FBXL2: variants seen among roughly 807,000 people sequenced by gnomAD.
FBXL2 encodes the protein F-box/LRR-repeat protein 2.
In FBXL2, 38 loss-of-function variants were observed where a neutral mutation model predicts 69.2. The ratio of observed to expected loss-of-function variants is 0.55; its 90% confidence interval spans 0.42 to 0.72. The LOEUF is 0.72. Among genes scored for constraint, FBXL2 ranks in the 30% least tolerant of loss-of-function variants. The pLI, the probability that FBXL2 is intolerant of heterozygous loss-of-function variation, is 0.00. For missense variants in FBXL2, 354 were observed against 520.3 expected, an observed-to-expected ratio of 0.68 and a Z score of 3.11; for synonymous variants, 192 against 201.3, an observed-to-expected ratio of 0.95 and a Z score of 0.39.
At chr3:33,362,836 C>G (rs1285345725) in intron 4 of FBXL2, among the ~76,000 whole-genome samples, 1 of 150,388 alleles carries the variant, frequency 6.6e-6, no homozygotes, top group Non-Finnish European at 1.5e-5. Context: ...AAATATATAT[C>G]TTTGATTTCT....
intron 13 of FBXL2, among the ~76,000 whole-genome samples, chr3:33,379,539 G>C (rs1036818713): frequency 1.3e-5 from 2 of 150,704 alleles, no homozygotes; most frequent in African/African-American, 2.4e-5. Context: ...ATTTTTAGTA[G>C]AGACGGGGTT....
intron 2 of FBXL2, among the ~76,000 whole-genome samples, chr3:33,357,643 C>CCTCA (rs761233010): frequency 8.6e-5 from 13 of 150,832 alleles, no homozygotes; most frequent in Non-Finnish European, 1.9e-4. Context: ...CATTCTCCTG[C>CCTCA]CTCAGCCTTT....
downstream of FBXL2, chr3:33,408,572 A>T: frequency 1.4e-6 from 1 of 706,404 alleles, no homozygotes; most frequent in Non-Finnish European, 2.2e-6. Flanking sequence ...AAAGCAAATT[A>T]AATCAAGACA....
intron 6 of FBXL2, 31 bp downstream of exon 6, chr3:33,373,191 T>G (rs1559624844): frequency 6.2e-7 from 1 of 1,611,820 alleles, no homozygotes; most frequent in East Asian, 2.2e-5. Flanking sequence ...GGTGACCAAA[T>G]AGCCACGGGG....
intron 12 of FBXL2, chr3:33,400,110 T>A: frequency 4.1e-6 from 4 of 983,198 alleles, no homozygotes; most frequent in Non-Finnish European, 5.6e-6. Context: ...TTCAAAATTT[T>A]AAAAATATAA....
chr3:33,360,169 C>A (rs955016053), intron 4 of FBXL2, among the ~76,000 whole-genome samples: 1 of 152,030 alleles, frequency 6.6e-6, no homozygotes, highest in Non-Finnish European at 1.5e-5. Flanking sequence ...AATTTAGTTA[C>A]TCACATAGTA....
chr3:33,284,915 C>G (rs886608246), intron 1 of FBXL2, among the ~76,000 whole-genome samples: 1 of 152,150 alleles, frequency 6.6e-6, no homozygotes, highest in Non-Finnish European at 1.5e-5. Flanking sequence ...TCCTCCATCC[C>G]TTTATTTTGA....
chr3:33,320,132 T>A (rs2038068567), intron 2 of FBXL2, among the ~76,000 whole-genome samples: 1 of 152,188 alleles, frequency 6.6e-6, no homozygotes, highest in Admixed American at 6.5e-5. Flanking sequence ...ACTCTGAATG[T>A]ATATGATCAA....
intron 2 of FBXL2, among the ~76,000 whole-genome samples, chr3:33,331,527 G>A (rs531878375): frequency 2.8e-4 from 43 of 152,232 alleles, no homozygotes; most frequent in South Asian, 6.2e-4. Flanking sequence ...TGGGTGAAGC[G>A]GGGGAAGTTT....
chr3:33,407,547 TAAAA>T (rs35830232), downstream of FBXL2, among the ~76,000 whole-genome samples: 3 of 135,632 alleles, frequency 2.2e-5, no homozygotes, highest in East Asian at 2.1e-4. Flanking sequence ...CGAATTTATT[TAAAA>T]AAAAAAAAAA....
At chr3:33,297,885 T>C in intron 2 of FBXL2, 160 bp downstream of exon 2, 1 of 663,634 alleles carries the variant, frequency 1.5e-6, no homozygotes. Context: ...GTTCAGCTTG[T>C]TGTTAAATTT....
chr3:33,336,176 A>G (rs1169507066), intron 2 of FBXL2, among the ~76,000 whole-genome samples: 1 of 152,234 alleles, frequency 6.6e-6, no homozygotes, highest in African/African-American at 2.4e-5. Flanking sequence ...GAGGACTTAC[A>G]TGGCCATATG....
chr3:33,420,381 A>G, the FBXL2 span, among the ~76,000 whole-genome samples: 7 of 151,964 alleles, frequency 4.6e-5, no homozygotes, highest in African/African-American at 1.4e-4. Context: ...GCTGGAGTAC[A>G]GTGGTGCAAT....
chr3:33,378,804 CA>C, intron 13 of FBXL2, 63 bp downstream of exon 13: 1 of 1,613,478 alleles, frequency 6.2e-7, no homozygotes. Context: ...CCCACCACAA[CA>C]AGAAGCTGTT....
intron 5 of FBXL2, among the ~76,000 whole-genome samples, chr3:33,367,585 C>T (rs568617097): frequency 2.1e-5 from 3 of 145,870 alleles, no homozygotes; most frequent in Non-Finnish European, 3.0e-5. Context: ...TAATTGTTGT[C>T]TTTTTTTTTT....
chr3:33,357,531 C>CTTT (rs11425930), intron 2 of FBXL2, among the ~76,000 whole-genome samples: 53 of 129,370 alleles, frequency 4.1e-4, no homozygotes, highest in Middle Eastern at 4.4e-3. Context: ...TCCACTGAGT[C>CTTT]TTTTTTTTTT....
chr3:33,357,855 G>T (rs2041321920), intron 2 of FBXL2, among the ~76,000 whole-genome samples: 1 of 152,164 alleles, frequency 6.6e-6, no homozygotes. Flanking sequence ...TTTAAAGTCA[G>T]TGTAGCCCTT....
chr3:33,280,713 CAAAAAA>C (rs34093056), intron 1 of FBXL2, among the ~76,000 whole-genome samples: 275 of 81,396 alleles, frequency 3.4e-3, no homozygotes, highest in African/African-American at 0.013. Context: ...GCCCTGTATC[CAAAAAA>C]AAAAAAAAAA....
intron 12 of FBXL2, chr3:33,396,606 A>G (rs944673700): frequency 5.9e-5 from 24 of 403,998 alleles, no homozygotes; most frequent in Non-Finnish European, 1.0e-4. Flanking sequence ...AAGTATAGAA[A>G]GAGCAATGAT....
Sources: gnomAD v4.1 joint callset for allele counts (sites outside exome capture counted in the v4.1 genomes callset) on GRCh38, gnomAD v4.1.1 for gene constraint, MANE v1.5 for transcripts, NCBI Gene and HGNC (gene_info 2026-07-23, HGNC 2026-07-21) for gene names.